NIBAN3: variants seen among roughly 807,000 people sequenced by gnomAD.
NIBAN3 encodes niban apoptosis regulator 3.
NIBAN3 carries 66 observed loss-of-function variants against 76.4 expected under a neutral mutation model. The ratio of observed to expected loss-of-function variants is 0.86; its 90% confidence interval spans 0.71 to 1.06. The LOEUF (loss-of-function observed/expected upper bound fraction) is 1.06. Among genes scored for constraint, NIBAN3 ranks in the 50% least tolerant of loss-of-function variants. The pLI is 0.00. For missense variants in NIBAN3, 808 were observed against 810.7 expected (o/e 1.00, Z 0.04); for synonymous variants, 360 against 355.2 (o/e 1.01, Z -0.15).
intron 5 of NIBAN3, among the ~76,000 whole-genome samples, chr19:17,538,732 AAGAAAGAAAGAAAG>A (rs2075874521): frequency 6.4e-5 from 3 of 47,130 alleles, no homozygotes; most frequent in African/African-American, 1.0e-4. Context: ...GAAAGAAAGC[AAGAAAGAAAGAAAG>A]AGAAAGAAAG....
Position 17,553,505 on chromosome 19 carries a change from C to T in NIBAN3, c.*1607C>T. 1 of 1,614,216 alleles carries T rather than the reference C, an allele frequency of 6.2e-7. No homozygotes were observed. The highest frequency in any genetic ancestry group is 8.5e-7 in the Non-Finnish European group (1 of 1,180,048). On this transcript the variant is annotated 3_prime_UTR_variant, in exon 15 of 15. Coordinates refer to ENST00000599164, the MANE Select transcript of NIBAN3 (RefSeq NM_001321827.2). Reference sequence around the variant, plus strand: ...CAGCTTGCAGAGGGACTTTCACACTCCCTGGAGACCGTTTCCTCCCATTCT... The same window carrying T: ...CAGCTTGCAGAGGGACTTTCACACTTCCTGGAGACCGTTTCCTCCCATTCT...
intron 13 of NIBAN3, among the ~76,000 whole-genome samples, chr19:17,548,532 T>G (rs925300824): frequency 2.0e-5 from 3 of 151,490 alleles, no homozygotes; most frequent in African/African-American, 7.3e-5. Flanking sequence ...TGTCACTAAG[T>G]GAAGGAGAGG....
chr19:17,523,333 A>C, upstream of NIBAN3: 1 of 1,042,348 alleles, frequency 9.6e-7, no homozygotes, highest in South Asian at 1.6e-5. Flanking sequence ...AAACCTGCGC[A>C]GAGGCGGCTG....
In NIBAN3 at chr19:17,546,721, G is replaced by A; in HGVS notation, c.1590G>A (p.Val530=). ...LPEFEGDVLA[V]GSQALTTEGI... Reference sequence around the variant, plus strand: ...AGTTCGAGGGGGATGTCCTTGCCGTGGGCAGCCAGGCTCTGACCACTGAGG... The same window carrying A: ...AGTTCGAGGGGGATGTCCTTGCCGTAGGCAGCCAGGCTCTGACCACTGAGG... The change falls in exon 13 of 15, where the codon GTG becomes GTA. Residue 530 remains valine (V), a synonymous_variant. Coordinates refer to ENST00000599164, the MANE Select transcript of NIBAN3 (RefSeq NM_001321827.2). The A allele has an allele frequency of 6.2e-7, 1 of 1,600,704 alleles. No homozygotes were observed. The highest frequency in any genetic ancestry group is 8.5e-7 in the Non-Finnish European group (1 of 1,174,732).
At chr19:17,529,687 G>A (rs1027317742) in intron 1 of NIBAN3, among the ~76,000 whole-genome samples, 1 of 152,208 alleles carries the variant, frequency 6.6e-6, no homozygotes, top group Non-Finnish European at 1.5e-5. Context: ...TGGGTGTGAT[G>A]GATCCGCTCA....
chr19:17,539,448 C>T lies in NIBAN3; in HGVS notation c.813C>T (p.Thr271=), dbSNP rs1293232260. 2.7e-6 allele frequency: 4 copies of T among 1,480,256 alleles called. No homozygotes were observed. The highest frequency in any genetic ancestry group is 2.5e-5 in the East Asian group (1 of 39,966). 91.7% of individuals were successfully genotyped at this position (1,480,256 alleles called of 1,614,324 possible). A position where few individuals can be genotyped will look rare whatever the true frequency, so the allele number is the denominator to read the frequency against. Residue 271 remains threonine, a synonymous_variant, in exon 7 of 15, where the codon ACC becomes ACT. Coordinates refer to ENST00000599164, the MANE Select transcript of NIBAN3 (RefSeq NM_001321827.2). ...GCCGCGCCCGCGCCTGGGCCTGGAC[C>T]GAGGTATGCACGGCGTCCGGATCCG... The part of the protein sequence containing the change: ...GAGRARAWAW[T]ELLDAVHAAV...
intron 12 of NIBAN3, chr19:17,545,885 T>C: frequency 7.5e-6 from 3 of 398,192 alleles, no homozygotes; most frequent in Non-Finnish European, 5.1e-6. Context: ...CCACAAGAGG[T>C]GGAGGAGCAG....
At chr19:17,543,977 G>GCAAGGGCCTGTCTC (rs1489597977) in intron 12 of NIBAN3, 1 of 151,512 alleles carries the variant, frequency 6.6e-6, no homozygotes, top group Admixed American at 6.8e-5. Context: ...GGGCGACAGA[G>GCAAGGGCCTGTCTC]TGAAACTCAG....
chr19:17,524,046 T>C (rs1185921568), upstream of NIBAN3, among the ~76,000 whole-genome samples: 8 of 151,976 alleles, frequency 5.3e-5, no homozygotes, highest in East Asian at 1.4e-3. Flanking sequence ...CCACCACCAC[T>C]CCCAGCTAAT....
chr19:17,553,135 T>A lies in NIBAN3; in HGVS notation c.*1237T>A, dbSNP rs1257245622. On this transcript the variant is annotated 3_prime_UTR_variant, in exon 15 of 15. Transcript: ENST00000599164. ...TACATGTTTGTAGTTTTTTTTTTTT[T>A]AATTTCAGTGAATTGCCTGTTCATA... 2.1e-5 allele frequency: 19 copies of A among 924,368 alleles called. No homozygotes were observed. Among genetic ancestry groups the A allele is most frequent in the Non-Finnish European group, 2.5e-5 (16 of 650,368 alleles). The allele number at this position is 924,368 out of a possible 1,614,324, so 57.3% of individuals were successfully genotyped here.
In NIBAN3 at chr19:17,532,260, C is replaced by A. The variant is rs761458219; in HGVS notation, c.187-3C>A. ...TGACACCCACTGCTCCCTCTTTCTG[C>A]AGAAGCTGCCCCGAGTCCGTGAGCA... On this transcript the variant is annotated splice_region_variant and splice_polypyrimidine_tract_variant and intron_variant, in intron 2 of 14. Coordinates refer to ENST00000599164, the MANE Select transcript of NIBAN3 (RefSeq NM_001321827.2). 7 of 1,606,088 alleles carry A rather than the reference C, an allele frequency of 4.4e-6. No homozygotes were observed. The highest frequency in any genetic ancestry group is 6.0e-6 in the Non-Finnish European group (7 of 1,175,464).
chr19:17,547,869 G>A (rs561936456), intron 13 of NIBAN3, among the ~76,000 whole-genome samples: 1 of 151,880 alleles, frequency 6.6e-6, no homozygotes, highest in Non-Finnish European at 1.5e-5. Flanking sequence ...GTTTCACTAT[G>A]TTGGCCAGGC....
At chr19:17,531,697 G>A (rs1056295576) in intron 2 of NIBAN3, among the ~76,000 whole-genome samples, 1 of 152,060 alleles carries the variant, frequency 6.6e-6, no homozygotes, top group Non-Finnish European at 1.5e-5. Context: ...CCATGCCTGG[G>A]TAATTTTTGT....
In NIBAN3 at chr19:17,532,373, G is replaced by C; in HGVS notation, c.297G>C (p.Trp99Cys). The change falls in exon 3 of 15, where the codon TGG becomes TGC. Residue 99 changes from tryptophan to cysteine, a missense_variant. Trp to Cys is a radical substitution (Grantham distance 215, BLOSUM62 -2). Transcript: ENST00000599164. ...CVLRGDGRLE[W>C]FSHKEEYENG... ...TGCGTGGGGACGGCCGCCTAGAGTG[G>C]TTCAGCCACAAGGAGGTGCGTGATT... is the stretch of plus-strand genomic sequence containing the variant. 6.2e-7 allele frequency: 1 copy of C among 1,614,188 alleles called. No individual in the cohort carries two copies. The highest frequency in any genetic ancestry group is 8.5e-7 in the Non-Finnish European group (1 of 1,180,030).
intron 1 of NIBAN3, among the ~76,000 whole-genome samples, chr19:17,529,052 A>T (rs1315954066): frequency 6.6e-6 from 1 of 152,198 alleles, no homozygotes; most frequent in East Asian, 1.9e-4. Flanking sequence ...AGCATGTGCT[A>T]AGGCCAGTGA....
chr19:17,535,321 C>T (rs898233521), intron 4 of NIBAN3, among the ~76,000 whole-genome samples: 3 of 152,272 alleles, frequency 2.0e-5, no homozygotes, highest in South Asian at 2.1e-4. Flanking sequence ...TGGCATGTGC[C>T]GGTAGTCCCA....
intron 2 of NIBAN3, among the ~76,000 whole-genome samples, chr19:17,531,131 T>C (rs2075713499): frequency 1.3e-5 from 2 of 151,888 alleles, no homozygotes; most frequent in Non-Finnish European, 2.9e-5. Context: ...CTCGCCAACA[T>C]GGTGAAACCC....
upstream of NIBAN3, among the ~76,000 whole-genome samples, chr19:17,526,277 C>T (rs1300338428): frequency 6.6e-6 from 1 of 151,762 alleles, no homozygotes; most frequent in Non-Finnish European, 1.5e-5. Flanking sequence ...AGTGCCATTG[C>T]ACTCCAGTCT....
chr19:17,539,117 T>C lies in NIBAN3; in HGVS notation c.596-33T>C. On this transcript the variant is annotated intron_variant, in intron 5 of 14. Coordinates refer to ENST00000599164, the MANE Select transcript of NIBAN3 (RefSeq NM_001321827.2). The stretch of plus-strand genomic sequence containing the variant: ...GCCATCGGGAGCCAGGCAGGGGAGC[T>C]ACCAGCAGGCACTGAGGAGCAGCCC... The C allele has an allele frequency of 3.3e-6, 5 of 1,530,180 alleles. 1 individual carries two copies. The highest frequency in any genetic ancestry group is 4.4e-6 in the Non-Finnish European group (5 of 1,132,080). The allele number at this position is 1,530,180 out of a possible 1,614,324, so 94.8% of individuals were successfully genotyped here.
Sources: allele counts gnomAD v4.1 joint callset (sites outside exome capture counted in the v4.1 genomes callset), GRCh38; gene constraint gnomAD v4.1.1; transcripts MANE v1.5; gene names NCBI Gene and HGNC (gene_info 2026-07-23, HGNC 2026-07-21).